Variants in HMGB1 observed in about 807,000 individuals in gnomAD.
The protein encoded by HMGB1 is high mobility group box 1, also known as high mobility group protein B1.
For synonymous variants in HMGB1, 81 were observed against 84.0 expected (o/e 0.96, Z 0.19); for missense variants, 79 against 253.5 (o/e 0.31, Z 4.67).
At chr13:30,519,973 T>C (rs1039204781) in intron 1 of HMGB1, among the ~76,000 whole-genome samples, 2 of 152,228 alleles carry the variant, frequency 1.3e-5, no homozygotes, top group Non-Finnish European at 2.9e-5. Flanking sequence ...TAACACTCTT[T>C]TGCATACATA....
At chr13:30,515,071 T>C (rs1167041823) in intron 1 of HMGB1, among the ~76,000 whole-genome samples, 1 of 152,210 alleles carries the variant, frequency 6.6e-6, no homozygotes, top group Non-Finnish European at 1.5e-5. Context: ...AGCAGAGCGC[T>C]GGAGGCAGAT....
chr13:30,517,347 C>T lies in HMGB1; in HGVS notation c.-14-53653G>A, dbSNP rs139331236. Among the ~76,000 whole-genome samples, 62 of 152,350 alleles carry T rather than the reference C, an allele frequency of 4.1e-4. 1 individual carries two copies. The highest frequency in any genetic ancestry group is 1.4e-3 in the African/African-American group (60 of 41,578). On this transcript the variant is annotated intron_variant, in intron 1 of 4. Transcript: ENST00000405805. ...ACCAACCTGCTCTGAGATTCTCATT[C>T]AACAGCTGTCTGGGAAAAGCTGCAT... is the stretch of plus-strand genomic sequence containing the variant.
chr13:30,526,191 G>T lies in HMGB1; in HGVS notation c.-14-62497C>A, dbSNP rs557566526. On this transcript the variant is annotated intron_variant, in intron 1 of 4. Transcript: ENST00000405805. ...CACGCCTCAGTCTCCTGAGTAGCTG[G>T]GATTACAGGCATGCACCACCATGTC... Among the ~76,000 whole-genome samples, 24 of 152,144 alleles carry T rather than the reference G, an allele frequency of 1.6e-4. No homozygotes were observed. In the South Asian group the frequency reaches 4.6e-3, roughly 29 times the overall value.
At chr13:30,494,868 A>T (rs1887576375) in intron 1 of HMGB1, among the ~76,000 whole-genome samples, 2 of 152,154 alleles carry the variant, frequency 1.3e-5, no homozygotes, top group African/African-American at 4.8e-5. Context: ...TGACTACTCT[A>T]GGTGGTAGAG....
At chr13:30,519,524 T>C (rs1410272021) in intron 1 of HMGB1, among the ~76,000 whole-genome samples, 5 of 136,982 alleles carry the variant, frequency 3.7e-5, no homozygotes, top group East Asian at 2.1e-4. Flanking sequence ...TGAAACCCTG[T>C]CTCTACTAAA....
At chr13:30,565,868 C>T (rs7985159) in intron 1 of HMGB1, among the ~76,000 whole-genome samples, 9,367 of 152,244 alleles carry the variant, frequency 0.062, 576 homozygotes, top group African/African-American at 0.16. Context: ...CTGTAACAAG[C>T]AGGTTTGGGC....
intron 1 of HMGB1, among the ~76,000 whole-genome samples, chr13:30,519,587 C>T (rs1888190286): frequency 6.6e-6 from 1 of 151,014 alleles, no homozygotes; most frequent in African/African-American, 2.4e-5. Context: ...GTAGTCCCAG[C>T]TACTTGGGAG....
intron 1 of HMGB1, among the ~76,000 whole-genome samples, chr13:30,577,832 C>T (rs1046375446): frequency 6.6e-6 from 1 of 152,202 alleles, no homozygotes; most frequent in East Asian, 1.9e-4. Context: ...CATCCGTTAT[C>T]AGAATAAACC....
chr13:30,593,211 A>C (rs1871444471), intron 1 of HMGB1, among the ~76,000 whole-genome samples: 1 of 152,116 alleles, frequency 6.6e-6, no homozygotes, highest in Non-Finnish European at 1.5e-5. Flanking sequence ...TTCCCCCTCC[A>C]GTGCAGTTAC....
At chr13:30,465,977 C>T (rs1471929252), upstream of HMGB1, 7 of 985,764 alleles carry the variant, frequency 7.1e-6, no homozygotes, top group South Asian at 4.7e-5. Flanking sequence ...ACCGCCAACT[C>T]ACGGGGCTCG....
chr13:30,607,323 C>A (rs1226608896), intron 1 of HMGB1, among the ~76,000 whole-genome samples: 2 of 152,232 alleles, frequency 1.3e-5, no homozygotes, highest in Non-Finnish European at 2.9e-5. Flanking sequence ...CCCCACGTGT[C>A]AAAGGAGAAG....
Position 30,533,599 on chromosome 13 carries a change from G to A in HMGB1, c.-14-69905C>T, listed in dbSNP as rs149278937. ...AGGCTGATCTCAAACTCCTGACCTC[G>A]AGTGATCCACCGGCCTCGGCCTCCT... is the stretch of plus-strand genomic sequence containing the variant. On this transcript the variant is annotated intron_variant, in intron 1 of 4. Coordinates refer to the HMGB1 transcript ENST00000405805. 9.1e-3 allele frequency among the ~76,000 whole-genome samples: 1,377 copies of A among 151,990 alleles called. 21 individuals are homozygous for A. The highest frequency in any genetic ancestry group is 0.032 in the African/African-American group (1,309 of 41,446).
At chr13:30,508,200 A>G (rs1031518076) in intron 1 of HMGB1, among the ~76,000 whole-genome samples, 7 of 152,164 alleles carry the variant, frequency 4.6e-5, no homozygotes, top group Non-Finnish European at 8.8e-5. Context: ...AGTCGTGTTT[A>G]TACCATGTCT....
intron 1 of HMGB1, among the ~76,000 whole-genome samples, chr13:30,569,070 G>C (rs896250827): frequency 3.3e-5 from 5 of 151,980 alleles, no homozygotes; most frequent in Non-Finnish European, 5.9e-5. Flanking sequence ...AGTTACTCAG[G>C]AGGCTGAGGC....
intron 1 of HMGB1, among the ~76,000 whole-genome samples, chr13:30,550,138 C>T (rs1262802615): frequency 6.7e-6 from 1 of 149,062 alleles, no homozygotes; most frequent in Non-Finnish European, 1.5e-5. Flanking sequence ...CCTATATTTT[C>T]CTTAACATTA....
intron 1 of HMGB1, among the ~76,000 whole-genome samples, chr13:30,547,948 G>A (rs1372279680): frequency 3.9e-5 from 6 of 152,118 alleles, no homozygotes; most frequent in African/African-American, 1.2e-4. Flanking sequence ...TAGTCAATAT[G>A]TTTAGGAGAA....
rs1870307258 is a variant in HMGB1 at position 30,568,892 on chromosome 13, T to C, written c.-15+47779A>G. 1.3e-5 allele frequency among the ~76,000 whole-genome samples: 2 copies of C among 152,132 alleles called. 1 individual carries two copies. The highest frequency in any genetic ancestry group is 6.8e-3 in the Middle Eastern group (2 of 294). On this transcript the variant is annotated intron_variant, in intron 1 of 4. Transcript: ENST00000405805. Reference sequence around the variant, plus strand: ...AATACACAGTATAAAAAAATAAAAATAGGGCCAGGCGTGGTGGCTCAGACC... The same window carrying C: ...AATACACAGTATAAAAAAATAAAAACAGGGCCAGGCGTGGTGGCTCAGACC...
chr13:30,505,574 G>A (rs529277855), intron 1 of HMGB1, among the ~76,000 whole-genome samples: 2 of 152,270 alleles, frequency 1.3e-5, no homozygotes, highest in East Asian at 3.9e-4. Flanking sequence ...GCCTCCCAAA[G>A]TTCTGGGATT....
At chr13:30,585,282 C>A (rs889357373) in intron 1 of HMGB1, among the ~76,000 whole-genome samples, 17 of 152,104 alleles carry the variant, frequency 1.1e-4, no homozygotes, top group African/African-American at 3.9e-4. Context: ...CGCGCCACTG[C>A]ACTCCAGCCC....
Sources: allele counts gnomAD v4.1 joint callset (sites outside exome capture counted in the v4.1 genomes callset), GRCh38; gene constraint gnomAD v4.1.1; transcripts MANE v1.5; gene names NCBI Gene and HGNC (gene_info 2026-07-23, HGNC 2026-07-21).